Variants in RBFOX1 observed in about 807,000 individuals in gnomAD.
The protein encoded by RBFOX1 is RNA binding fox-1 homolog 1.
In RBFOX1, 8 loss-of-function variants were observed where a neutral mutation model predicts 57.7. The ratio of observed to expected loss-of-function variants is 0.14; its 90% CI spans 0.08 to 0.25. The LOEUF (loss-of-function observed/expected upper bound fraction) is 0.25, where lower values mean the gene tolerates loss of function less well. Among genes scored for constraint, RBFOX1 ranks in the 10% least tolerant of loss-of-function variants. RBFOX1 has a pLI of 1.00. For synonymous variants in RBFOX1, 326 were observed against 222.4 expected, an observed-to-expected ratio of 1.47 and a Z score of -4.15; for missense variants, 611 against 548.5, an observed-to-expected ratio of 1.11 and a Z score of -1.14.
intron 2 of RBFOX1, among the ~76,000 whole-genome samples, chr16:5,566,682 GTA>G (rs35841037): frequency 0.82 from 124,070 of 150,444 alleles, 51,709 homozygotes; most frequent in East Asian, 1. Context: ...GTATATATGT[GTA>G]TATATATATA....
intron 3 of RBFOX1, among the ~76,000 whole-genome samples, chr16:6,880,233 A>G (rs1028755154): frequency 2.0e-5 from 3 of 152,156 alleles, no homozygotes; most frequent in African/African-American, 4.8e-5. Flanking sequence ...GGGGGTAGCA[A>G]CATGACAAGA....
At chr16:6,483,241 G>A in intron 2 of RBFOX1, 1 of 1,245,950 alleles carries the variant, frequency 8.0e-7, no homozygotes, top group Non-Finnish European at 1.0e-6. Context: ...TGGCGCCGCC[G>A]TGGCCTCCCT....
At chr16:5,919,781 C>T (rs894059372) in intron 4 of RBFOX1, among the ~76,000 whole-genome samples, 3 of 152,194 alleles carry the variant, frequency 2.0e-5, no homozygotes, top group Admixed American at 2.0e-4. Context: ...CTGCATTCCC[C>T]TTCTCCACAG....
At chr16:5,924,376 A>G (rs1352695494) in intron 4 of RBFOX1, among the ~76,000 whole-genome samples, 1 of 152,076 alleles carries the variant, frequency 6.6e-6, no homozygotes, top group Non-Finnish European at 1.5e-5. Flanking sequence ...GCCTAATGAG[A>G]GGTGTTCGGG....
rs143425425 is a variant in RBFOX1, at chr16:5,962,261, A to G, written c.351+94926A>G. On this transcript the variant is annotated intron_variant, in intron 4 of 19. Coordinates refer to the RBFOX1 transcript ENST00000641259. ...ATCCACTTCTCATCAAGCCTGAGCT[A>G]TTACAGTATTTCCCTAAATTGTTTC... Among the ~76,000 whole-genome samples the G allele has an allele frequency of 3.3e-5, 5 of 152,296 alleles. No homozygotes were observed. In the East Asian group the frequency reaches 5.8e-4, roughly 18 times the overall value.
At chr16:6,086,051 C>G (rs935150460) in intron 1 of RBFOX1, among the ~76,000 whole-genome samples, 2 of 152,090 alleles carry the variant, frequency 1.3e-5, no homozygotes, top group Non-Finnish European at 2.9e-5. Context: ...TCAGCTACTA[C>G]TTATGAGTGA....
At chr16:5,492,103 A>C (rs2042854054) in intron 2 of RBFOX1, among the ~76,000 whole-genome samples, 1 of 152,210 alleles carries the variant, frequency 6.6e-6, no homozygotes, top group African/African-American at 2.4e-5. Context: ...ACTGAGTCAG[A>C]AACACCAGGG....
chr16:6,783,203 T>G (rs900215392), intron 3 of RBFOX1, among the ~76,000 whole-genome samples: 3 of 152,170 alleles, frequency 2.0e-5, no homozygotes, highest in Admixed American at 2.0e-4. Context: ...AGTCTGCCTT[T>G]TATTTGGAGA....
chr16:6,515,373 G>T (rs757634367), intron 2 of RBFOX1, among the ~76,000 whole-genome samples: 1 of 152,186 alleles, frequency 6.6e-6, no homozygotes, highest in East Asian at 1.9e-4. Context: ...GAAGTTCCCA[G>T]TTGAGCATTA....
intron 4 of RBFOX1, among the ~76,000 whole-genome samples, chr16:7,194,886 C>T (rs1039721682): frequency 2.0e-5 from 3 of 149,432 alleles, no homozygotes; most frequent in Admixed American, 1.3e-4. Context: ...CGAGATTGTG[C>T]CACTGCACTC....
At chr16:6,868,221 A>G (rs561434966) in intron 3 of RBFOX1, among the ~76,000 whole-genome samples, 68 of 152,158 alleles carry the variant, frequency 4.5e-4, no homozygotes, top group Non-Finnish European at 8.5e-4. Flanking sequence ...CATTTAATTT[A>G]TAGAAACAGA....
intron 2 of RBFOX1, among the ~76,000 whole-genome samples, chr16:6,624,507 T>C (rs984797297): frequency 6.6e-6 from 1 of 152,088 alleles, no homozygotes; most frequent in South Asian, 2.1e-4. Context: ...AACATACCAG[T>C]TTCCACCCAC....
chr16:5,613,516 G>T (rs1399488871), intron 3 of RBFOX1, among the ~76,000 whole-genome samples: 1 of 152,196 alleles, frequency 6.6e-6, no homozygotes, highest in Non-Finnish European at 1.5e-5. Context: ...ACTGAGGGCA[G>T]AGGGGAATGA....
At chr16:5,269,127 G>T (rs111762427) in intron 1 of RBFOX1, among the ~76,000 whole-genome samples, 48 of 136,720 alleles carry the variant, frequency 3.5e-4, no homozygotes, top group Middle Eastern at 3.6e-3. Context: ...ATGTTGGCCA[G>T]GCTGGTCTCA....
chr16:6,977,394 A>T (rs2087320794), intron 3 of RBFOX1, among the ~76,000 whole-genome samples: 1 of 152,054 alleles, frequency 6.6e-6, no homozygotes. Context: ...GGACACTCGC[A>T]AGTCTGGTTC....
At chr16:7,365,882 C>G (rs756202289) in intron 4 of RBFOX1, among the ~76,000 whole-genome samples, 1 of 152,210 alleles carries the variant, frequency 6.6e-6, no homozygotes, top group Non-Finnish European at 1.5e-5. Flanking sequence ...CCCTAAGACT[C>G]TCCTTCTTTG....
chr16:5,328,452 C>A (rs1336205909), intron 1 of RBFOX1, among the ~76,000 whole-genome samples: 1 of 152,228 alleles, frequency 6.6e-6, no homozygotes, highest in East Asian at 1.9e-4. Flanking sequence ...TTTAAGCCAC[C>A]TAGTCTGTGT....
intron 4 of RBFOX1, among the ~76,000 whole-genome samples, chr16:5,992,328 C>G (rs2060414719): frequency 6.6e-6 from 1 of 152,222 alleles, no homozygotes; most frequent in South Asian, 2.1e-4. Context: ...GCTTAGGCAA[C>G]TCTGTTCAGC....
At position 6,208,171 on chromosome 16, in the gene RBFOX1, G is replaced by A. The variant is rs571745422; in HGVS notation, c.-126-108824G>A. Among the ~76,000 whole-genome samples the A allele has an allele frequency of 7.2e-5, 11 of 151,962 alleles. No homozygotes were observed. The South Asian group carries it at 1.9e-3, about 26-fold the overall frequency. On this transcript the variant is annotated intron_variant, in intron 1 of 15. Transcript: ENST00000550418. The stretch of plus-strand genomic sequence containing the variant: ...TTATATATGTTATGTTTTATATAAT[G>A]TAGAGTATGATCCATTTTTTGTAAA...
Sources: allele counts gnomAD v4.1 joint callset (sites outside exome capture counted in the v4.1 genomes callset), GRCh38; gene constraint gnomAD v4.1.1; transcripts MANE v1.5; gene names NCBI Gene and HGNC (gene_info 2026-07-23, HGNC 2026-07-21).